Variants in SLC2A12 observed in about 807,000 individuals in gnomAD.
The protein encoded by SLC2A12 is solute carrier family 2 member 12.
Under a neutral mutation model 41.8 loss-of-function variants are expected in SLC2A12, and 23 were observed. That is an observed-to-expected ratio of 0.55 (90% CI 0.40 to 0.78). The LOEUF is 0.78. Ranked by LOEUF, SLC2A12 falls within the 30% of genes least tolerant of loss-of-function variation. The pLI, the probability that SLC2A12 is intolerant of heterozygous loss-of-function variation, is 0.00. For synonymous variants in SLC2A12, 295 were observed against 285.9 expected, an observed-to-expected ratio of 1.03 and a Z score of -0.32; for missense variants, 654 against 745.6, an observed-to-expected ratio of 0.88 and a Z score of 1.43.
chr6:134,041,323 A>T (rs186212759), intron 1 of SLC2A12, among the ~76,000 whole-genome samples: 2 of 152,286 alleles, frequency 1.3e-5, no homozygotes, highest in Admixed American at 6.5e-5. Context: ...CTGAAGAGAT[A>T]CAGAAAGAGA....
At chr6:134,018,004 TG>T (rs1776986741) in intron 2 of SLC2A12, among the ~76,000 whole-genome samples, 1 of 152,104 alleles carries the variant, frequency 6.6e-6, no homozygotes, top group Non-Finnish European at 1.5e-5. Flanking sequence ...GACCTAGGAT[TG>T]AACTATGTTT....
At position 134,029,045 on chromosome 6, in the gene SLC2A12, T is replaced by C. The variant is rs370290351; in HGVS notation, c.780A>G (p.Glu260=). The change falls in exon 2 of 5, where the codon GAA becomes GAG. Residue 260 remains glutamate, a synonymous_variant. Transcript: ENST00000275230. ...LTVIKSSLKD[E]YQYSFWDLFR... is the part of the protein sequence containing the mutation. ...ACAGATCCCAAAAACTGTACTGATA[T>C]TCATCTTTCAGGGAGGATTTGATCA... 5 of 1,614,234 alleles carry C rather than the reference T, an allele frequency of 3.1e-6. No homozygotes were observed. The African/African-American group carries it at 6.7e-5, about 22-fold the overall frequency.
At chr6:134,048,941 C>A (rs1040355432) in intron 1 of SLC2A12, among the ~76,000 whole-genome samples, 3 of 152,166 alleles carry the variant, frequency 2.0e-5, no homozygotes, top group Non-Finnish European at 4.4e-5. Flanking sequence ...TCCCCTAGAG[C>A]TGACTGACGA....
At chr6:134,044,746 T>C (rs1777433065) in intron 1 of SLC2A12, among the ~76,000 whole-genome samples, 1 of 143,680 alleles carries the variant, frequency 7.0e-6, no homozygotes, top group African/African-American at 2.7e-5. Flanking sequence ...AATAATGTCT[T>C]AGATACATTT....
In SLC2A12 at chr6:133,990,928, T is replaced by C. The variant is rs146276921; in HGVS notation, c.*227A>G. On this transcript the variant is annotated 3_prime_UTR_variant, in exon 5 of 5. Transcript: ENST00000275230. ...GTAACTTTTTTTTTTTAACCTGATA[T>C]CCTGCTCAGAAAAAGAGATCACTTA... The C allele has an allele frequency of 4.8e-5, 21 of 441,018 alleles. No homozygotes were observed. The highest frequency in any genetic ancestry group is 8.2e-5 in the African/African-American group (4 of 48,574). The allele number at this position is 441,018 out of a possible 1,614,324, so 27.3% of individuals were successfully genotyped here.
intron 2 of SLC2A12, among the ~76,000 whole-genome samples, chr6:134,010,612 A>T (rs1776867330): frequency 6.6e-6 from 1 of 152,076 alleles, no homozygotes; most frequent in Non-Finnish European, 1.5e-5. Context: ...GAAGTTTTGG[A>T]CTTGTGGGGG....
intron 1 of SLC2A12, among the ~76,000 whole-genome samples, chr6:134,043,396 T>G (rs999302032): frequency 6.6e-6 from 1 of 152,068 alleles, no homozygotes; most frequent in African/African-American, 2.4e-5. Context: ...TATTTTAAAA[T>G]TAAAAGAATG....
At position 134,017,700 on chromosome 6, in the gene SLC2A12, A is replaced by C. The variant is rs149648855; in HGVS notation, c.1444+10681T>G. Among the ~76,000 whole-genome samples, 323 of 152,006 alleles carry C rather than the reference A, an allele frequency of 2.1e-3. 2 individuals carry two copies. The highest frequency in any genetic ancestry group is 7.5e-3 in the African/African-American group (313 of 41,464). On this transcript the variant is annotated intron_variant, in intron 2 of 4. Coordinates refer to ENST00000275230, the MANE Select transcript of SLC2A12 (RefSeq NM_145176.3). ...ACCCTGTCTCTACTAAAAATACAAA[A>C]AAAATTAGCCAGGCGTGGTGGCGGG...
chr6:134,029,926 G>T (rs1247950537), intron 1 of SLC2A12, among the ~76,000 whole-genome samples: 1 of 152,124 alleles, frequency 6.6e-6, no homozygotes, highest in East Asian at 1.9e-4. Flanking sequence ...GGGAGGATAG[G>T]CATGGAGACA....
intron 4 of SLC2A12, among the ~76,000 whole-genome samples, chr6:133,996,781 C>T (rs953882817): frequency 1.3e-5 from 2 of 152,176 alleles, no homozygotes; most frequent in Non-Finnish European, 2.9e-5. Flanking sequence ...GGGCTTTCTA[C>T]CACCTCGCAT....
At chr6:134,021,173 T>C (rs564281483) in intron 2 of SLC2A12, among the ~76,000 whole-genome samples, 1 of 152,296 alleles carries the variant, frequency 6.6e-6, no homozygotes, top group Non-Finnish European at 1.5e-5. Flanking sequence ...AGGAGTTTTT[T>C]TGGCAGCCTA....
intron 1 of SLC2A12, among the ~76,000 whole-genome samples, chr6:134,033,719 C>A (rs558003169): frequency 6.6e-6 from 1 of 152,166 alleles, no homozygotes; most frequent in Non-Finnish European, 1.5e-5. Flanking sequence ...GTCCTTGCCA[C>A]CCTGTGCTTC....
intron 1 of SLC2A12, among the ~76,000 whole-genome samples, chr6:134,048,353 T>C (rs777668674): frequency 6.6e-6 from 1 of 152,122 alleles, no homozygotes; most frequent in Non-Finnish European, 1.5e-5. Flanking sequence ...TCCCAGCAGT[T>C]TGGGAGGCCA....
At chr6:134,030,533 T>G (rs1004534995) in intron 1 of SLC2A12, among the ~76,000 whole-genome samples, 3 of 152,190 alleles carry the variant, frequency 2.0e-5, no homozygotes, top group Non-Finnish European at 4.4e-5. Context: ...TAGTAACTAT[T>G]AATTTTTGGT....
chr6:134,041,483 CAA>C (rs1193304711), intron 1 of SLC2A12, among the ~76,000 whole-genome samples: 1 of 147,098 alleles, frequency 6.8e-6, no homozygotes, highest in Admixed American at 6.8e-5. Context: ...TTGTGTCAAA[CAA>C]AAAAAAAGAG....
intron 2 of SLC2A12, among the ~76,000 whole-genome samples, chr6:134,011,990 C>T (rs138206133): frequency 0.016 from 2,374 of 151,942 alleles, 51 homozygotes; most frequent in African/African-American, 0.045. Context: ...TGCAGTGAGC[C>T]GAGATCACAC....
At chr6:134,021,022 A>G (rs1327162896) in intron 2 of SLC2A12, among the ~76,000 whole-genome samples, 3 of 152,200 alleles carry the variant, frequency 2.0e-5, no homozygotes, top group Non-Finnish European at 1.5e-5. Context: ...ATGCCTAAAT[A>G]TCTCCCGCTA....
At chr6:134,015,078 T>C (rs116348641) in intron 2 of SLC2A12, among the ~76,000 whole-genome samples, 35 of 152,314 alleles carry the variant, frequency 2.3e-4, no homozygotes, top group African/African-American at 8.4e-4. Flanking sequence ...ACCTTTGACT[T>C]AATTAGTTGA....
At chr6:134,007,233 C>G (rs1265758869) in intron 2 of SLC2A12, among the ~76,000 whole-genome samples, 1 of 152,246 alleles carries the variant, frequency 6.6e-6, no homozygotes, top group African/African-American at 2.4e-5. Flanking sequence ...ACCGCAGGGG[C>G]AGAGGTGGGG....
Sources: gnomAD v4.1 joint callset for allele counts (sites outside exome capture counted in the v4.1 genomes callset) on GRCh38, gnomAD v4.1.1 for gene constraint, MANE v1.5 for transcripts, NCBI Gene and HGNC (gene_info 2026-07-23, HGNC 2026-07-21) for gene names.